L3MBTL3: variants seen among roughly 807,000 people sequenced by gnomAD.
L3MBTL3 encodes lethal(3)malignant brain tumor-like protein 3.
In L3MBTL3, 27 loss-of-function variants were observed where a neutral mutation model predicts 102.3. The ratio of observed to expected loss-of-function variants is 0.26; its 90% CI spans 0.19 to 0.36. The LOEUF (loss-of-function observed/expected upper bound fraction) is 0.36. Ranked by LOEUF, L3MBTL3 falls within the 10% of genes least tolerant of loss-of-function variation. L3MBTL3 has a pLI of 1.00. For synonymous variants in L3MBTL3, 340 were observed against 320.9 expected (o/e 1.06, Z -0.64); for missense variants, 798 against 955.3 (o/e 0.84, Z 2.17).
At chr6:130,122,777 C>T (rs1271465527) in intron 20 of L3MBTL3, among the ~76,000 whole-genome samples, 1 of 90,224 alleles carries the variant, frequency 1.1e-5, no homozygotes, top group African/African-American at 2.9e-5. Context: ...GGTCTCAGCT[C>T]TACTACTTCC....
chr6:130,089,217 GC>G (rs994096421), intron 16 of L3MBTL3, among the ~76,000 whole-genome samples: 5 of 99,192 alleles, frequency 5.0e-5, no homozygotes, highest in Non-Finnish European at 8.4e-5. Flanking sequence ...CCCTCCCCCT[GC>G]CCCCCACCCC....
rs570862809 is a variant in L3MBTL3, at chr6:130,104,801, A to AT, written c.1886+238dup. Among the ~76,000 whole-genome samples, 136 of 145,224 alleles carry AT rather than the reference A, an allele frequency of 9.4e-4. 2 individuals carry two copies. The highest frequency in any genetic ancestry group is 3.7e-3 in the South Asian group (17 of 4,556). On this transcript the variant is annotated intron_variant, in intron 19 of 22. Transcript: ENST00000361794. Reference sequence around the variant, plus strand: ...ATCAGGCAGGATTTTTCTCTGACTCATTTTTTTTTTTTAATTTGCTTGGTG... The same window carrying AT: ...ATCAGGCAGGATTTTTCTCTGACTCATTTTTTTTTTTTTAATTTGCTTGGTG...
rs111300227 is a variant in L3MBTL3, at chr6:130,058,472, TA to T, written c.759+991del. Among the ~76,000 whole-genome samples, 1,146 of 132,792 alleles carry T rather than the reference TA, an allele frequency of 8.6e-3. 6 individuals carry two copies. Among genetic ancestry groups the T allele is most frequent in the Middle Eastern group, 0.015 (4 of 266 alleles). The allele number at this position is 132,792 out of a possible 152,430, so 87.1% of individuals were successfully genotyped here. A position where few individuals can be genotyped will look rare whatever the true frequency, so the allele number is the denominator to read the frequency against. Reference sequence around the variant, plus strand: ...GAGCAACATAGTGAGACTCGGCCTCTAAAAAAAAAAAAAAAATTAAAAATAT... The same window carrying T: ...GAGCAACATAGTGAGACTCGGCCTCTAAAAAAAAAAAAAAATTAAAAATAT... On this transcript the variant is annotated intron_variant, in intron 9 of 22. Transcript: ENST00000361794.
chr6:130,135,212 C>T (rs1277075877), intron 22 of L3MBTL3, among the ~76,000 whole-genome samples: 1 of 151,902 alleles, frequency 6.6e-6, no homozygotes, highest in Non-Finnish European at 1.5e-5. Flanking sequence ...AGGTGCCCGC[C>T]ACCACGCTCG....
intron 13 of L3MBTL3, among the ~76,000 whole-genome samples, chr6:130,071,827 A>G (rs1782655881): frequency 6.6e-6 from 1 of 152,216 alleles, no homozygotes; most frequent in Admixed American, 6.5e-5. Flanking sequence ...TTTTTGACCT[A>G]ATTTTTTAGT....
At chr6:130,049,577 C>A in intron 4 of L3MBTL3, 179 bp from the exon 5 acceptor site, 2 of 689,410 alleles carry the variant, frequency 2.9e-6, no homozygotes, top group Admixed American at 3.3e-5. Flanking sequence ...TAACTATAAA[C>A]TGTCTTCTTT....
intron 15 of L3MBTL3, among the ~76,000 whole-genome samples, chr6:130,084,407 C>CT (rs1032567034): frequency 6.6e-6 from 1 of 151,812 alleles, no homozygotes; most frequent in South Asian, 2.1e-4. Flanking sequence ...AAATAATTTT[C>CT]TTTAAGACAT....
intron 19 of L3MBTL3, 75 bp from the exon 20 acceptor site, chr6:130,120,804 T>G (rs1786107354): frequency 9.4e-7 from 1 of 1,059,502 alleles, no homozygotes; most frequent in African/African-American, 1.6e-5. Context: ...GGAAAAGCAC[T>G]TGTTGAGATG....
At chr6:130,021,583 T>C (rs1302725731) in intron 1 of L3MBTL3, among the ~76,000 whole-genome samples, 1 of 152,236 alleles carries the variant, frequency 6.6e-6, no homozygotes, top group Non-Finnish European at 1.5e-5. Flanking sequence ...TGACTTTATT[T>C]TGAATGTTAA....
intron 11 of L3MBTL3, 40 bp downstream of exon 11, chr6:130,066,528 A>G (rs769574828): frequency 1.3e-6 from 2 of 1,567,424 alleles, no homozygotes; most frequent in East Asian, 4.7e-5. Flanking sequence ...ATTCAGTAAA[A>G]ACTCATTTTC....
intron 2 of L3MBTL3, among the ~76,000 whole-genome samples, chr6:130,030,540 G>A (rs1033185928): frequency 1.3e-5 from 2 of 151,796 alleles, no homozygotes; most frequent in African/African-American, 4.8e-5. Flanking sequence ...GGTGGCGGGT[G>A]CCTGTAGTCC....
At chr6:130,071,182 G>C (rs1350843302) in intron 13 of L3MBTL3, 55 bp downstream of exon 13, 1 of 1,516,142 alleles carries the variant, frequency 6.6e-7, no homozygotes, top group Non-Finnish European at 9.0e-7. Context: ...CCAAGTAAAT[G>C]GTTTGAAAAC....
Position 130,133,434 on chromosome 6 carries a change from T to A in L3MBTL3, c.1967-18T>A. The A allele has an allele frequency of 6.2e-7, 1 of 1,611,474 alleles. No individual in the cohort carries two copies. Among genetic ancestry groups the A allele is most frequent in the Non-Finnish European group, 8.5e-7 (1 of 1,178,520 alleles). Reference sequence around the variant, plus strand: ...GCTGCTTTCAGAGAGTGATTTCCCATTTGTTTTCATTGACCAGGTGCCCGG... The same window carrying A: ...GCTGCTTTCAGAGAGTGATTTCCCAATTGTTTTCATTGACCAGGTGCCCGG... On this transcript the variant is annotated intron_variant, in intron 20 of 22. Coordinates refer to ENST00000361794, the MANE Select transcript of L3MBTL3 (RefSeq NM_032438.4). This position sits in a 1 kb window ranked among gnomAD's most constrained non-coding sequence, Gnocchi z 4.9.
At chr6:130,020,223 G>A (rs1043318280) in intron 1 of L3MBTL3, among the ~76,000 whole-genome samples, 4 of 150,570 alleles carry the variant, frequency 2.7e-5, no homozygotes, top group African/African-American at 9.7e-5. Context: ...CCGTCCTCGC[G>A]CCGCGGCGGC....
chr6:130,107,438 C>T (rs1785059204), intron 19 of L3MBTL3, among the ~76,000 whole-genome samples: 1 of 152,122 alleles, frequency 6.6e-6, no homozygotes, highest in Non-Finnish European at 1.5e-5. Flanking sequence ...GGATCCTGAG[C>T]TTTCTGTTTA....
chr6:130,060,116 G>A lies in L3MBTL3; in HGVS notation c.840G>A (p.Val280=), dbSNP rs7767284. ...LEGVDPEHQS[V]YCVLTVAEVC... is the part of the protein sequence containing the mutation. ...GCGTGGATCCTGAGCATCAGTCTGT[G>A]TACTGTGTCCTCACCGTCGCGGAGG... The change falls in exon 10 of 23, where the codon GTG becomes GTA. Residue 280 remains valine, a synonymous_variant. Coordinates refer to ENST00000361794, the MANE Select transcript of L3MBTL3 (RefSeq NM_032438.4). 5,672 of 1,610,472 alleles carry A rather than the reference G, an allele frequency of 3.5e-3. 185 individuals are homozygous for A. The African/African-American group carries it at 0.069, about 19-fold the overall frequency.
At chr6:130,087,939 G>T (rs1438960733) in intron 16 of L3MBTL3, among the ~76,000 whole-genome samples, 2 of 151,852 alleles carry the variant, frequency 1.3e-5, no homozygotes, top group African/African-American at 4.8e-5. Context: ...AGTATAAATG[G>T]TTAGGTTTTT....
intron 20 of L3MBTL3, among the ~76,000 whole-genome samples, chr6:130,124,354 G>A (rs935499867): frequency 6.6e-6 from 1 of 152,268 alleles, no homozygotes; most frequent in Non-Finnish European, 1.5e-5. Context: ...TCAGCCAGAT[G>A]TTTGGTCTGT....
rs760764654 is a variant in L3MBTL3 at position 130,051,265 on chromosome 6, T to C, written c.306T>C (p.Thr102=). The C allele has an allele frequency of 2.5e-6, 4 of 1,613,444 alleles. No individual in the cohort carries two copies. The South Asian group carries it at 3.3e-5, about 13-fold the overall frequency. The change falls in exon 6 of 23, where the codon ACT becomes ACC. Residue 102 remains threonine, a synonymous_variant. Transcript: ENST00000361794. ...PGCPTVFSEK[T]GMPFRLKDPV... Reference sequence around the variant, plus strand: ...ATCTTCTAGTCTTTTCAGAGAAGACTGGGATGCCTTTCAGGTTGAAGGATC... The same window carrying C: ...ATCTTCTAGTCTTTTCAGAGAAGACCGGGATGCCTTTCAGGTTGAAGGATC...
Sources: allele counts gnomAD v4.1 joint callset (sites outside exome capture counted in the v4.1 genomes callset), GRCh38; gene constraint gnomAD v4.1.1; non-coding constraint Gnocchi (gnomAD v3.1); transcripts MANE v1.5; gene names NCBI Gene and HGNC (gene_info 2026-07-23, HGNC 2026-07-21).